Variants in KHDRBS3 observed in about 807,000 individuals in gnomAD.
KHDRBS3 encodes the protein KH RNA binding domain containing, signal transduction associated 3.
A neutral mutation model predicts 45.6 loss-of-function variants in KHDRBS3; 23 were observed. The ratio of observed to expected loss-of-function variants is 0.50; its 90% CI spans 0.36 to 0.72. The LOEUF is 0.72. KHDRBS3 is among the 30% of genes least tolerant of loss of function. The pLI, the probability that KHDRBS3 is intolerant of heterozygous loss-of-function variation, is 0.00. For missense variants in KHDRBS3, 352 were observed against 424.8 expected (o/e 0.83, Z 1.51); for synonymous variants, 162 against 156.5 (o/e 1.04, Z -0.26).
chr8:135,588,841 C>G (rs150197981), intron 6 of KHDRBS3, among the ~76,000 whole-genome samples: 1,561 of 152,260 alleles, frequency 0.01, 14 homozygotes, highest in Middle Eastern at 0.054. Context: ...TCACGGTCCC[C>G]TCTCCCTGAA....
At chr8:135,606,552 C>T (rs1829472370) in intron 6 of KHDRBS3, among the ~76,000 whole-genome samples, 1 of 152,098 alleles carries the variant, frequency 6.6e-6, no homozygotes, top group South Asian at 2.1e-4. Context: ...CATCCAGACT[C>T]CTGGTGATTG....
At chr8:135,471,575 C>T (rs544803726) in intron 1 of KHDRBS3, among the ~76,000 whole-genome samples, 7 of 152,250 alleles carry the variant, frequency 4.6e-5, no homozygotes, top group Admixed American at 2.0e-4. Context: ...CAAGTGCACA[C>T]GGCACTGTGG....
chr8:135,597,180 G>A (rs903678823), intron 6 of KHDRBS3, among the ~76,000 whole-genome samples: 4 of 152,120 alleles, frequency 2.6e-5, no homozygotes, highest in African/African-American at 9.7e-5. Context: ...GGTGCCTCTT[G>A]CAGTGTCCCC....
chr8:135,534,187 A>G (rs1825619310), intron 2 of KHDRBS3, among the ~76,000 whole-genome samples: 1 of 151,200 alleles, frequency 6.6e-6, no homozygotes, highest in Non-Finnish European at 1.5e-5. Flanking sequence ...TCTAATACTA[A>G]TATCCTTTAT....
intron 7 of KHDRBS3, among the ~76,000 whole-genome samples, chr8:135,639,899 G>C (rs1341654761): frequency 1.3e-5 from 2 of 152,156 alleles, no homozygotes; most frequent in Non-Finnish European, 2.9e-5. Flanking sequence ...CCAACACGGG[G>C]GATTGCATTT....
chr8:135,616,084 T>C (rs1309755501), intron 7 of KHDRBS3, among the ~76,000 whole-genome samples: 2 of 152,246 alleles, frequency 1.3e-5, no homozygotes, highest in Non-Finnish European at 2.9e-5. Context: ...GAATGAAATA[T>C]CTATTGCGTA....
chr8:135,541,761 G>A (rs967702706), intron 2 of KHDRBS3: 2 of 152,142 alleles, frequency 1.3e-5, no homozygotes, highest in Admixed American at 6.5e-5. Flanking sequence ...TTATAGCAAG[G>A]CTTTTAAAAA....
At chr8:135,477,832 G>A (rs1822368078) in intron 1 of KHDRBS3, among the ~76,000 whole-genome samples, 1 of 152,196 alleles carries the variant, frequency 6.6e-6, no homozygotes, top group Non-Finnish European at 1.5e-5. Context: ...GGCGTGATAT[G>A]GCCATAAGCC....
At chr8:135,593,401 T>C (rs1001436119) in intron 6 of KHDRBS3, 2 of 152,198 alleles carry the variant, frequency 1.3e-5, no homozygotes, top group African/African-American at 4.8e-5. Context: ...ATGTAAGTAC[T>C]TTTATTTTTC....
intron 1 of KHDRBS3, among the ~76,000 whole-genome samples, chr8:135,509,563 G>A (rs569205340): frequency 4.6e-5 from 7 of 152,162 alleles, no homozygotes; most frequent in South Asian, 2.1e-4. Flanking sequence ...TGAAATTTAC[G>A]CATGTATTTA....
At chr8:135,642,730 A>G (rs896543159) in intron 7 of KHDRBS3, among the ~76,000 whole-genome samples, 4 of 152,136 alleles carry the variant, frequency 2.6e-5, no homozygotes, top group Admixed American at 1.3e-4. Flanking sequence ...CAGGATAACA[A>G]GGTGGGGCCT....
intron 2 of KHDRBS3, chr8:135,540,176 A>T (rs181947020): frequency 6.6e-6 from 1 of 152,344 alleles, no homozygotes; most frequent in Non-Finnish European, 1.5e-5. Context: ...GATCACAAGA[A>T]TGGGAGAGTG....
intron 2 of KHDRBS3, among the ~76,000 whole-genome samples, chr8:135,522,261 C>T (rs562873532): frequency 6.6e-6 from 1 of 152,252 alleles, no homozygotes; most frequent in African/African-American, 2.4e-5. Flanking sequence ...CTTCCATGTC[C>T]CTGCAAAGGA....
chr8:135,606,621 A>G (rs994962366), intron 6 of KHDRBS3, among the ~76,000 whole-genome samples: 5 of 152,120 alleles, frequency 3.3e-5, no homozygotes, highest in African/African-American at 1.2e-4. Flanking sequence ...GAATAAGACA[A>G]GTTAGAATAG....
At chr8:135,630,890 A>G (rs1399841983) in intron 7 of KHDRBS3, among the ~76,000 whole-genome samples, 1 of 152,194 alleles carries the variant, frequency 6.6e-6, no homozygotes, top group Non-Finnish European at 1.5e-5. Context: ...AAGGCCTGGG[A>G]CGTTACTATG....
chr8:135,471,159 G>A (rs1023319426), intron 1 of KHDRBS3, among the ~76,000 whole-genome samples: 2 of 152,190 alleles, frequency 1.3e-5, no homozygotes, highest in African/African-American at 2.4e-5. Context: ...GTGAATTCTT[G>A]TCTCACCTGT....
intron 1 of KHDRBS3, chr8:135,458,703 C>A: frequency 2.7e-6 from 1 of 369,988 alleles, no homozygotes; most frequent in Non-Finnish European, 5.3e-6. Flanking sequence ...GTTGGGTGAC[C>A]CTCATTGGTG....
chr8:135,648,834 A>G (rs1276097974), downstream of KHDRBS3, among the ~76,000 whole-genome samples: 1 of 152,200 alleles, frequency 6.6e-6, no homozygotes, highest in Non-Finnish European at 1.5e-5. Flanking sequence ...CCTGATATTT[A>G]AATATTCAGA....
intron 2 of KHDRBS3, chr8:135,540,924 A>G (rs1019633388): frequency 6.6e-6 from 1 of 152,240 alleles, no homozygotes; most frequent in African/African-American, 2.4e-5. Flanking sequence ...AGACCAGCTC[A>G]CAAAATGGGG....
Sources: gnomAD v4.1 joint callset for allele counts (sites outside exome capture counted in the v4.1 genomes callset) on GRCh38, gnomAD v4.1.1 for gene constraint, MANE v1.5 for transcripts, NCBI Gene and HGNC (gene_info 2026-07-23, HGNC 2026-07-21) for gene names.